OGN: variants seen among roughly 807,000 people sequenced by gnomAD.
OGN encodes the protein mimecan.
OGN carries 19 observed loss-of-function variants against 30.8 expected under a neutral mutation model. That is an observed-to-expected ratio of 0.62 (90% CI 0.43 to 0.90). OGN has a LOEUF of 0.90. OGN is among the 40% of genes least tolerant of loss of function. The pLI, the probability that OGN is intolerant of heterozygous loss-of-function variation, is 0.00. For missense variants in OGN, 283 were observed against 349.7 expected, an observed-to-expected ratio of 0.81 and a Z score of 1.52; for synonymous variants, 126 against 128.3, an observed-to-expected ratio of 0.98 and a Z score of 0.12.
At position 92,403,228 on chromosome 9, in the gene OGN, A is replaced by G; in HGVS notation, c.174+6T>C. On this transcript the variant is annotated splice_donor_region_variant and intron_variant, in intron 2 of 6. Coordinates refer to ENST00000375561, the MANE Select transcript of OGN (RefSeq NM_014057.5). The stretch of plus-strand genomic sequence containing the variant: ...AGAAGCTAAATTTAGAATAGAAATA[A>G]AGTACCTTAATATTTTTTCCATCCA... The G allele has an allele frequency of 6.5e-7, 1 of 1,538,696 alleles. No homozygotes were observed. Among genetic ancestry groups the G allele is most frequent in the Non-Finnish European group, 8.9e-7 (1 of 1,126,014 alleles).
intron 5 of OGN, among the ~76,000 whole-genome samples, chr9:92,388,211 T>G (rs1023998526): frequency 2.0e-5 from 3 of 151,654 alleles, no homozygotes; most frequent in African/African-American, 7.3e-5. Context: ...CAGGCTGGAG[T>G]GCAGTGGTAC....
At chr9:92,390,739 A>G (rs1842644131) in intron 4 of OGN, among the ~76,000 whole-genome samples, 1 of 152,246 alleles carries the variant, frequency 6.6e-6, no homozygotes, top group African/African-American at 2.4e-5. Flanking sequence ...ATACAGGGTT[A>G]TGTTCCTGTG....
chr9:92,390,245 A>T (rs1364993526), intron 4 of OGN, among the ~76,000 whole-genome samples, 189 bp from the exon 5 acceptor site: 1 of 152,158 alleles, frequency 6.6e-6, no homozygotes, highest in African/African-American at 2.4e-5. Context: ...CCTGAAATTG[A>T]TTCCCTTTCT....
Position 92,385,570 on chromosome 9 carries a change from C to T in OGN, c.*50G>A. 1 of 1,501,564 alleles carries T rather than the reference C, an allele frequency of 6.7e-7. No homozygotes were observed. The highest frequency in any genetic ancestry group is 1.2e-5 in the South Asian group (1 of 85,162). 93.0% of individuals were successfully genotyped at this position (1,501,564 alleles called of 1,614,324 possible). A position where few individuals can be genotyped will look rare whatever the true frequency, so the allele number is the denominator to read the frequency against. On this transcript the variant is annotated 3_prime_UTR_variant, in exon 7 of 7. Coordinates refer to ENST00000375561, the MANE Select transcript of OGN (RefSeq NM_014057.5). Reference sequence around the variant, plus strand: ...TAAGTTCCTTTACTCATTGTTGAGACAGACTATTAGTGTAGGTGTACTTTC... The same window carrying T: ...TAAGTTCCTTTACTCATTGTTGAGATAGACTATTAGTGTAGGTGTACTTTC...
chr9:92,404,316 C>T (rs1048647440), intron 1 of OGN, among the ~76,000 whole-genome samples, 180 bp downstream of exon 1: 5 of 152,090 alleles, frequency 3.3e-5, no homozygotes, highest in African/African-American at 1.2e-4. Flanking sequence ...CTGCAGCACC[C>T]TATTCTTGCC....
At position 92,384,895 on chromosome 9, in the gene OGN, C is replaced by A. The variant is rs1842363278; in HGVS notation, c.*725G>T. The A allele has an allele frequency of 6.6e-6, 1 of 152,190 alleles. No individual in the cohort carries two copies. Among genetic ancestry groups the A allele is most frequent in the Admixed American group, 6.6e-5 (1 of 15,222 alleles). 9.4% of individuals were successfully genotyped at this position (152,190 alleles called of 1,614,324 possible). On this transcript the variant is annotated 3_prime_UTR_variant, in exon 7 of 7. Transcript: ENST00000375561. ...TTATAAGCATATTGGTTTTGGCCTG[C>A]TTGAGTTTAAAACTTTTTTTGGTAG...
rs1472401040 is a variant in OGN, at chr9:92,393,101, C to A, written c.412G>T (p.Asp138Tyr). ...FNKIKKLTAK[D>Y]FADIPNLRRL... The stretch of plus-strand genomic sequence containing the variant: ...CTTAACTTACGTATGTCTGCAAAAT[C>A]TTTGGCAGTCAGCTTTTTAATTTTG... The change falls in exon 4 of 7, where the codon GAT (aspartate) becomes TAT (tyrosine). Residue 138 changes from aspartate to tyrosine, a missense_variant. Physicochemically the swap from Asp to Tyr is radical, Grantham distance 160. Coordinates refer to ENST00000375561, the MANE Select transcript of OGN (RefSeq NM_014057.5). 2.5e-6 allele frequency: 4 copies of A among 1,613,328 alleles called. No homozygotes were observed. The highest frequency in any genetic ancestry group is 3.4e-6 in the Non-Finnish European group (4 of 1,179,722).
At chr9:92,387,909 G>A (rs940824162) in intron 5 of OGN, among the ~76,000 whole-genome samples, 1 of 151,750 alleles carries the variant, frequency 6.6e-6, no homozygotes, top group East Asian at 1.9e-4. Context: ...GACGACAGGT[G>A]CCCACCACCA....
At chr9:92,398,161 T>A (rs758280039) in intron 3 of OGN, among the ~76,000 whole-genome samples, 14 of 152,218 alleles carry the variant, frequency 9.2e-5, no homozygotes, top group Non-Finnish European at 1.3e-4. Flanking sequence ...ATAGTTCTTT[T>A]TTGTCCTTAG....
At chr9:92,401,247 A>G in intron 2 of OGN, 62 bp from the exon 3 acceptor site, 1 of 774,434 alleles carries the variant, frequency 1.3e-6, no homozygotes. Context: ...CTGTAAAATG[A>G]AGGGATCACA....
chr9:92,386,889 A>G (rs1842445045), intron 5 of OGN, among the ~76,000 whole-genome samples: 1 of 151,602 alleles, frequency 6.6e-6, no homozygotes, highest in South Asian at 2.1e-4. Context: ...GCCTAAAAAA[A>G]TACAAAAAAT....
In OGN at chr9:92,385,776, A is replaced by T; in HGVS notation, c.741T>A (p.Ala247=). Residue 247 remains alanine, a synonymous_variant, in exon 7 of 7, where the codon GCT becomes GCA. Transcript: ENST00000375561. ...RVIHLQFNNI[A]SITDDTFCKA... ...TGCAGAATGTGTCATCTGTAATTGA[A>T]GCTATGTTGTTGAACTGAAAAAAAA... The T allele has an allele frequency of 6.2e-7, 1 of 1,614,088 alleles. No individual in the cohort carries two copies. Among genetic ancestry groups the T allele is most frequent in the Non-Finnish European group, 8.5e-7 (1 of 1,179,952 alleles).
chr9:92,395,069 C>T (rs147957374), intron 3 of OGN, among the ~76,000 whole-genome samples: 61 of 152,070 alleles, frequency 4.0e-4, no homozygotes, highest in African/African-American at 1.4e-3. Context: ...CAATTAATTG[C>T]GTGTATTTAA....
chr9:92,396,202 T>C (rs1364184144), intron 3 of OGN, among the ~76,000 whole-genome samples: 5 of 152,246 alleles, frequency 3.3e-5, no homozygotes, highest in African/African-American at 1.2e-4. Flanking sequence ...GGATTTTATT[T>C]TGTTCTGGTG....
chr9:92,394,026 G>A (rs139789820), intron 3 of OGN, among the ~76,000 whole-genome samples: 85 of 152,136 alleles, frequency 5.6e-4, no homozygotes, highest in African/African-American at 2.0e-3. Flanking sequence ...AGTAATTCTG[G>A]AGAAGTACTT....
intron 4 of OGN, 77 bp from the exon 5 acceptor site, chr9:92,390,133 A>G (rs1842612265): frequency 4.9e-6 from 4 of 816,918 alleles, no homozygotes; most frequent in African/African-American, 1.7e-5. Context: ...GCATTTGTTT[A>G]ACAGATCACT....
At chr9:92,401,828 G>A (rs944467217) in intron 2 of OGN, among the ~76,000 whole-genome samples, 10 of 152,038 alleles carry the variant, frequency 6.6e-5, no homozygotes, top group African/African-American at 2.2e-4. Flanking sequence ...TGGAGAGTAC[G>A]TTTTCTGCCA....
At chr9:92,400,995 A>C (rs761440139) in intron 3 of OGN, 97 bp downstream of exon 3, 1 of 632,804 alleles carries the variant, frequency 1.6e-6, no homozygotes, top group Non-Finnish European at 2.8e-6. Flanking sequence ...GTTTGTATTT[A>C]CTGTATCTTG....
In OGN at chr9:92,399,176, G is replaced by A. The variant is rs1487161195; in HGVS notation, c.268+1916C>T. Among the ~76,000 whole-genome samples, 3 of 152,090 alleles carry A rather than the reference G, an allele frequency of 2.0e-5. No individual in the cohort carries two copies. In the South Asian group the frequency reaches 6.2e-4, roughly 32 times the overall value. ...TGTGTTGATTTGCCTTCCTGCTGCC[G>A]TGTATGAGTGTCTTACCCCATAGCC... On this transcript the variant is annotated intron_variant, in intron 3 of 6. Transcript: ENST00000375561.
Sources: allele counts gnomAD v4.1 joint callset (sites outside exome capture counted in the v4.1 genomes callset), GRCh38; gene constraint gnomAD v4.1.1; transcripts MANE v1.5; gene names NCBI Gene and HGNC (gene_info 2026-07-23, HGNC 2026-07-21).